MDGA2: variants seen among roughly 807,000 people sequenced by gnomAD.
MDGA2 encodes the protein MAM domain containing glycosylphosphatidylinositol anchor 2.
In MDGA2, 40 loss-of-function variants were observed where a neutral mutation model predicts 117.8. The ratio of observed to expected loss-of-function variants is 0.34; its 90% CI spans 0.26 to 0.44. The LOEUF (loss-of-function observed/expected upper bound fraction) is 0.44. MDGA2 is among the 20% of genes least tolerant of loss of function. MDGA2 has a pLI of 1.00. For synonymous variants in MDGA2, 452 were observed against 439.0 expected (o/e 1.03, Z -0.37); for missense variants, 1,123 against 1,250.6 (o/e 0.90, Z 1.54).
intron 3 of MDGA2, among the ~76,000 whole-genome samples, chr14:47,198,044 TA>T (rs1478967734): frequency 4.1e-5 from 6 of 146,430 alleles, no homozygotes; most frequent in Non-Finnish European, 3.0e-5. Flanking sequence ...CCTGTTTAAG[TA>T]AAAAATGTAT....
intron 1 of MDGA2, among the ~76,000 whole-genome samples, chr14:47,506,027 C>T (rs1566489541): frequency 6.6e-6 from 1 of 152,054 alleles, no homozygotes; most frequent in Non-Finnish European, 1.5e-5. Flanking sequence ...AAGACATGCA[C>T]ATAAATAACT....
chr14:47,124,776 T>A (rs1053671500), intron 5 of MDGA2, among the ~76,000 whole-genome samples: 11 of 152,020 alleles, frequency 7.2e-5, no homozygotes, highest in Non-Finnish European at 1.3e-4. Context: ...TTTCTCTCTT[T>A]CCCTCCATGA....
chr14:47,362,391 T>A (rs1891144467), intron 1 of MDGA2, among the ~76,000 whole-genome samples: 1 of 152,162 alleles, frequency 6.6e-6, no homozygotes, highest in African/African-American at 2.4e-5. Flanking sequence ...TTCAATTAAT[T>A]GGGTTATCAT....
At chr14:47,441,546 A>G (rs1234221230) in intron 1 of MDGA2, among the ~76,000 whole-genome samples, 1 of 152,206 alleles carries the variant, frequency 6.6e-6, no homozygotes, top group African/African-American at 2.4e-5. Flanking sequence ...CAAAATAAGT[A>G]TATAAATAAA....
At chr14:47,179,574 T>C (rs1884616548) in intron 3 of MDGA2, among the ~76,000 whole-genome samples, 2 of 152,094 alleles carry the variant, frequency 1.3e-5, no homozygotes, top group South Asian at 4.1e-4. Context: ...GGGGTTTTCT[T>C]TGTAAAATCA....
chr14:47,476,844 A>G (rs756447202), intron 1 of MDGA2, among the ~76,000 whole-genome samples: 6 of 152,184 alleles, frequency 3.9e-5, no homozygotes, highest in Non-Finnish European at 7.3e-5. Context: ...TCTCTTTAAT[A>G]TTCAATGTTT....
chr14:47,509,234 CA>C (rs1202822451), intron 1 of MDGA2, among the ~76,000 whole-genome samples: 11 of 152,132 alleles, frequency 7.2e-5, no homozygotes, highest in African/African-American at 2.7e-4. Flanking sequence ...ATGCTAGAAG[CA>C]CCTTTGCTGA....
chr14:47,138,285 G>C (rs1882553428), intron 4 of MDGA2, among the ~76,000 whole-genome samples: 2 of 151,924 alleles, frequency 1.3e-5, no homozygotes, highest in South Asian at 4.1e-4. Flanking sequence ...TTCATGATTT[G>C]TAAAAAGGAA....
At chr14:47,412,050 A>G (rs995374309) in intron 1 of MDGA2, among the ~76,000 whole-genome samples, 5 of 152,146 alleles carry the variant, frequency 3.3e-5, no homozygotes, top group Non-Finnish European at 7.3e-5. Flanking sequence ...TCTAGCACCC[A>G]TTTAGTTTGG....
At chr14:47,046,760 G>A (rs886816356) in intron 7 of MDGA2, among the ~76,000 whole-genome samples, 6 of 152,030 alleles carry the variant, frequency 3.9e-5, no homozygotes, top group Admixed American at 1.3e-4. Flanking sequence ...ATAGGCAGGA[G>A]GATCCTATAG....
intron 9 of MDGA2, among the ~76,000 whole-genome samples, chr14:46,948,948 G>C (rs1312008604): frequency 1.3e-5 from 2 of 151,892 alleles, no homozygotes; most frequent in African/African-American, 2.4e-5. Context: ...TTTTTGGAGG[G>C]GCATTTTCAA....
chr14:47,352,833 T>A (rs1243374933), intron 1 of MDGA2, among the ~76,000 whole-genome samples: 1 of 152,186 alleles, frequency 6.6e-6, no homozygotes, highest in Non-Finnish European at 1.5e-5. Context: ...CATGCTTTAG[T>A]GAATAGTCTG....
At chr14:46,860,672 T>C (rs1458582068) in intron 14 of MDGA2, among the ~76,000 whole-genome samples, 1 of 151,982 alleles carries the variant, frequency 6.6e-6, no homozygotes, top group East Asian at 1.9e-4. Flanking sequence ...TCTGTTGTTT[T>C]GTTTCCAATG....
At chr14:46,916,781 A>C (rs1207112236) in intron 10 of MDGA2, among the ~76,000 whole-genome samples, 1 of 152,150 alleles carries the variant, frequency 6.6e-6, no homozygotes, top group African/African-American at 2.4e-5. Context: ...GATACATCAA[A>C]GTTTTCTCTC....
intron 5 of MDGA2, among the ~76,000 whole-genome samples, chr14:47,130,355 T>C (rs1431967860): frequency 1.3e-5 from 2 of 152,166 alleles, no homozygotes; most frequent in African/African-American, 2.4e-5. Context: ...AGGGAATCCT[T>C]TCCCCCATTG....
chr14:47,446,782 A>T (rs886428291), intron 1 of MDGA2, among the ~76,000 whole-genome samples: 4 of 152,224 alleles, frequency 2.6e-5, no homozygotes, highest in African/African-American at 7.2e-5. Context: ...GAAAATTTTA[A>T]AAAAAGTAAA....
chr14:47,598,363 T>A (rs888929182), intron 1 of MDGA2, among the ~76,000 whole-genome samples: 1 of 152,180 alleles, frequency 6.6e-6, no homozygotes, highest in East Asian at 1.9e-4. Flanking sequence ...TTTGAACAAA[T>A]ATTTGTACAC....
intron 1 of MDGA2, among the ~76,000 whole-genome samples, chr14:47,490,020 G>A (rs1894137127): frequency 6.6e-6 from 1 of 152,054 alleles, no homozygotes; most frequent in Non-Finnish European, 1.5e-5. Context: ...ATGACTATAT[G>A]CACCTACTTT....
intron 1 of MDGA2, among the ~76,000 whole-genome samples, chr14:47,483,034 C>A (rs1441507093): frequency 6.6e-6 from 1 of 151,900 alleles, no homozygotes; most frequent in Admixed American, 6.6e-5. Context: ...AAACATTTTA[C>A]TGAACTGACA....
Sources: allele counts gnomAD v4.1 joint callset (sites outside exome capture counted in the v4.1 genomes callset), GRCh38; gene constraint gnomAD v4.1.1; transcripts MANE v1.5; gene names NCBI Gene and HGNC (gene_info 2026-07-23, HGNC 2026-07-21).